Variants in AMPD3 observed in about 807,000 individuals in gnomAD.
AMPD3 encodes the protein adenosine monophosphate deaminase 3.
Under a neutral mutation model 82.3 loss-of-function variants are expected in AMPD3, and 57 were observed. The ratio of observed to expected loss-of-function variants is 0.69; its 90% confidence interval spans 0.56 to 0.86. The LOEUF (loss-of-function observed/expected upper bound fraction) is 0.86. AMPD3 is among the 40% of genes least tolerant of loss of function. AMPD3 has a pLI of 0.00. For synonymous variants in AMPD3, 381 were observed against 394.7 expected (o/e 0.97, Z 0.41); for missense variants, 870 against 1,003.8 (o/e 0.87, Z 1.80).
At chr11:10,451,781 C>T (rs960947265), upstream of AMPD3, among the ~76,000 whole-genome samples, 3 of 152,206 alleles carry the variant, frequency 2.0e-5, no homozygotes, top group African/African-American at 7.2e-5. Flanking sequence ...GGCTTTCCCT[C>T]AGGATGCAGT....
At chr11:10,479,801 C>A in intron 3 of AMPD3, 1 of 700,614 alleles carries the variant, frequency 1.4e-6, no homozygotes, top group Non-Finnish European at 1.8e-6. Flanking sequence ...TAAAGAACTT[C>A]TTTGTCCTTT....
intron 3 of AMPD3, chr11:10,479,994 C>G: frequency 1.0e-6 from 1 of 984,910 alleles, no homozygotes; most frequent in Non-Finnish European, 1.2e-6. Context: ...CATTGGAAAG[C>G]AAGAGTCGAG....
intron 7 of AMPD3, chr11:10,493,786 T>G (rs1001028240): frequency 3.4e-6 from 2 of 584,352 alleles, no homozygotes; most frequent in African/African-American, 3.7e-5. Flanking sequence ...TCCTGCCACT[T>G]AGGAGTTTTG....
At chr11:10,483,662 C>G (rs11042841) in intron 4 of AMPD3, among the ~76,000 whole-genome samples, 106,397 of 152,202 alleles carry the variant, frequency 0.7, 37,338 homozygotes, top group Admixed American at 0.76. Context: ...CAGACCACTG[C>G]ATTGCATTAG....
chr11:10,495,557 C>T lies in AMPD3; in HGVS notation c.1267-13C>T, dbSNP rs376493129. 1.2e-6 allele frequency: 2 copies of T among 1,612,532 alleles called. No homozygotes were observed. The highest frequency in any genetic ancestry group is 1.1e-5 in the South Asian group (1 of 90,998). ...GGATGCACTGGGGCTGACCCAAGCT[C>T]TTCTTGTGCCAGGAGGTTGCCCGGG... On this transcript the variant is annotated splice_polypyrimidine_tract_variant and intron_variant, in intron 8 of 14. Coordinates refer to ENST00000396553, the MANE Select transcript of AMPD3 (RefSeq NM_001025389.2).
rs1849736798 is a variant in AMPD3, at chr11:10,507,372, T to C, written c.*1488T>C. On this transcript the variant is annotated 3_prime_UTR_variant, in exon 15 of 15. Coordinates refer to ENST00000396553, the MANE Select transcript of AMPD3 (RefSeq NM_001025389.2). ...TCAGCATATGGAAGTATAAATGCAG[T>C]CTTTTTACTAGGCAGATATATATGC... The C allele has an allele frequency of 6.6e-6, 1 of 151,888 alleles. No homozygotes were observed. Among genetic ancestry groups the C allele is most frequent in the Admixed American group, 6.5e-5 (1 of 15,276 alleles). The allele number at this position is 151,888 out of a possible 1,614,324, so 9.4% of individuals were successfully genotyped here. A position where few individuals can be genotyped will look rare whatever the true frequency, so the allele number is the denominator to read the frequency against.
chr11:10,493,487 G>C lies in AMPD3; in HGVS notation c.1078G>C (p.Asp360His). The C allele has an allele frequency of 6.2e-7, 1 of 1,614,224 alleles. No homozygotes were observed. Reference sequence around the variant, plus strand: ...GAAGATCACCCTGCGGCAGGTGTTTGACGGCCTGCACATGGACCCCTACGA... The same window carrying C: ...GAAGATCACCCTGCGGCAGGTGTTTCACGGCCTGCACATGGACCCCTACGA... Reference protein sequence around the residue: ...GRKITLRQVFDGLHMDPYDLT... With the variant: ...GRKITLRQVFHGLHMDPYDLT... Residue 360 changes from aspartate (D) to histidine (H), a missense_variant, in exon 7 of 15, where the codon GAC becomes CAC. Coordinates refer to ENST00000396553, the MANE Select transcript of AMPD3 (RefSeq NM_001025389.2).
At chr11:10,453,428 C>T (rs573803826), upstream of AMPD3, among the ~76,000 whole-genome samples, 5 of 152,168 alleles carry the variant, frequency 3.3e-5, no homozygotes, top group Admixed American at 6.5e-5. Flanking sequence ...ATGAGACAGG[C>T]GAGATTTGTC....
upstream of AMPD3, among the ~76,000 whole-genome samples, chr11:10,454,906 T>C (rs896273451): frequency 1.3e-5 from 2 of 152,198 alleles, no homozygotes; most frequent in African/African-American, 4.8e-5. Flanking sequence ...TGTAGCCTGC[T>C]GGTTGCACTG....
upstream of AMPD3, chr11:10,450,924 C>A: frequency 7.8e-7 from 1 of 1,274,266 alleles, no homozygotes; most frequent in Admixed American, 4.4e-5. Flanking sequence ...TGGCCGGGCC[C>A]TGGCCCCGGC....
At chr11:10,461,150 G>A (rs1180916873) in intron 1 of AMPD3, 9 of 1,204,732 alleles carry the variant, frequency 7.5e-6, no homozygotes, top group Non-Finnish European at 9.4e-6. Context: ...ATAGTCTGGA[G>A]GAGGGAGAGC....
At chr11:10,462,003 T>C (rs1260446352) in intron 2 of AMPD3, among the ~76,000 whole-genome samples, 1 of 152,210 alleles carries the variant, frequency 6.6e-6, no homozygotes, top group African/African-American at 2.4e-5. Context: ...CTCTTTTCTT[T>C]TTGGAAATTT....
At position 10,461,716 on chromosome 11, in the gene AMPD3, A is replaced by G; in HGVS notation, c.197A>G (p.Gln66Arg). 1 of 1,613,662 alleles carries G rather than the reference A, an allele frequency of 6.2e-7. No homozygotes were observed. Among genetic ancestry groups the G allele is most frequent in the Non-Finnish European group, 8.5e-7 (1 of 1,179,732 alleles). ...ERELQKELAE[Q>R]KSVETAKRKK... Reference sequence around the variant, plus strand: ...GAGCTGCAGAAGGAGCTGGCAGAGCAGAAGTCTGTGGAGACCGCAAAAAGG... The same window carrying G: ...GAGCTGCAGAAGGAGCTGGCAGAGCGGAAGTCTGTGGAGACCGCAAAAAGG... The change falls in exon 2 of 15, where the codon CAG becomes CGG. Residue 66 changes from glutamine (Q) to arginine (R), a missense_variant. Physicochemically the swap from Gln to Arg is conservative, Grantham distance 43 (BLOSUM62 1). Transcript: ENST00000396553.
chr11:10,483,960 C>T (rs542583193), intron 4 of AMPD3, among the ~76,000 whole-genome samples: 3 of 152,358 alleles, frequency 2.0e-5, no homozygotes, highest in South Asian at 4.1e-4. Flanking sequence ...AGCATCAATA[C>T]ACTCCTTGGC....
intron 11 of AMPD3, chr11:10,500,850 C>T: frequency 1.0e-6 from 1 of 985,442 alleles, no homozygotes; most frequent in Non-Finnish European, 1.2e-6. Flanking sequence ...CAGCAGGACA[C>T]TGAGCCATTC....
At chr11:10,497,800 ACT>A in intron 10 of AMPD3, 1 of 985,262 alleles carries the variant, frequency 1.0e-6, no homozygotes, top group Non-Finnish European at 1.2e-6. Flanking sequence ...AATAGCTCAC[ACT>A]CGTGCGTGCT....
At chr11:10,479,386 C>A (rs1261871666) in intron 3 of AMPD3, among the ~76,000 whole-genome samples, 1 of 152,256 alleles carries the variant, frequency 6.6e-6, no homozygotes, top group Non-Finnish European at 1.5e-5. Flanking sequence ...CAACTCACTA[C>A]TTAACGCCTC....
chr11:10,497,816 G>C (rs1849462811), intron 10 of AMPD3: 1 of 985,366 alleles, frequency 1.0e-6, no homozygotes, highest in Non-Finnish European at 1.2e-6. Context: ...GCGTGCTTCT[G>C]CCTGGCCTGG....
chr11:10,461,448 G>A (rs1245682274), intron 1 of AMPD3, 67 bp from the exon 2 acceptor site: 3 of 1,611,142 alleles, frequency 1.9e-6, no homozygotes, highest in Admixed American at 1.7e-5. Context: ...TCACTTCAGT[G>A]CCTTCTCTTC....
Sources: gnomAD v4.1 joint callset for allele counts (sites outside exome capture counted in the v4.1 genomes callset) on GRCh38, gnomAD v4.1.1 for gene constraint, MANE v1.5 for transcripts, NCBI Gene and HGNC (gene_info 2026-07-23, HGNC 2026-07-21) for gene names.